The following TGFBR3 variants were observed in gnomAD, a reference collection of about 807,000 sequenced individuals.
The protein encoded by TGFBR3 is transforming growth factor beta receptor type 3.
TGFBR3 carries 46 observed loss-of-function variants against 87.9 expected under a neutral mutation model. That is an observed-to-expected ratio of 0.52 (90% CI 0.41 to 0.67). The LOEUF (loss-of-function observed/expected upper bound fraction) is 0.67. Among genes scored for constraint, TGFBR3 ranks in the 30% least tolerant of loss-of-function variants. The pLI, the probability that TGFBR3 is intolerant of heterozygous loss-of-function variation, is 0.00. For missense variants in TGFBR3, 866 were observed against 1,041.9 expected (o/e 0.83, Z 2.32); for synonymous variants, 381 against 391.6 (o/e 0.97, Z 0.32).
intron 2 of TGFBR3, among the ~76,000 whole-genome samples, chr1:91,821,252 C>A (rs1676439915): frequency 6.9e-6 from 1 of 145,748 alleles, no homozygotes; most frequent in African/African-American, 2.5e-5. Flanking sequence ...ATCACTTGAA[C>A]CTGGGAGACA....
chr1:91,815,639 C>T lies in TGFBR3; in HGVS notation c.62-18168G>A, dbSNP rs554190280. Among the ~76,000 whole-genome samples, 96 of 152,320 alleles carry T rather than the reference C, an allele frequency of 6.3e-4. 1 individual carries two copies. Among genetic ancestry groups the T allele is most frequent in the African/African-American group, 2.2e-3 (90 of 41,576 alleles). On this transcript the variant is annotated intron_variant, in intron 2 of 16. Coordinates refer to ENST00000212355, the MANE Select transcript of TGFBR3 (RefSeq NM_003243.5). Reference sequence around the variant, plus strand: ...TCTCTGCCATTAACAAGTTCCTTGACTTAGGGCCCCTCTCTTGGTTGCCTC... The same window carrying T: ...TCTCTGCCATTAACAAGTTCCTTGATTTAGGGCCCCTCTCTTGGTTGCCTC...
intron 2 of TGFBR3, among the ~76,000 whole-genome samples, chr1:91,849,239 G>C (rs1222486454): frequency 2.0e-5 from 3 of 152,120 alleles, no homozygotes. Context: ...TCATTCTTCT[G>C]CTCAAACTCT....
At chr1:91,722,654 T>C (rs943297239) in intron 7 of TGFBR3, among the ~76,000 whole-genome samples, 7 of 152,300 alleles carry the variant, frequency 4.6e-5, no homozygotes, top group African/African-American at 1.7e-4. Flanking sequence ...TCCTGAGAAA[T>C]GCATCATTAG....
chr1:91,759,465 G>A (rs1285327606), intron 3 of TGFBR3, among the ~76,000 whole-genome samples: 2 of 150,110 alleles, frequency 1.3e-5, no homozygotes, highest in Non-Finnish European at 2.9e-5. Context: ...AGCAGATCAA[G>A]GACTATTGCA....
chr1:91,871,641 AG>A (rs1678584953), intron 1 of TGFBR3, among the ~76,000 whole-genome samples: 1 of 152,166 alleles, frequency 6.6e-6, no homozygotes, highest in Non-Finnish European at 1.5e-5. Context: ...TTAAGCACAG[AG>A]GTAAGAGATA....
chr1:91,785,441 A>G (rs1331641535), intron 3 of TGFBR3, among the ~76,000 whole-genome samples: 2 of 152,252 alleles, frequency 1.3e-5, no homozygotes, highest in Non-Finnish European at 2.9e-5. Context: ...TTCTATAAAT[A>G]TACTAAAAAC....
At chr1:91,692,310 A>G (rs1193036079) in intron 16 of TGFBR3, among the ~76,000 whole-genome samples, 1 of 152,224 alleles carries the variant, frequency 6.6e-6, no homozygotes, top group Non-Finnish European at 1.5e-5. Flanking sequence ...GTATGGATTA[A>G]CATCCAAAAG....
chr1:91,808,809 T>C (rs1427343677), intron 2 of TGFBR3, among the ~76,000 whole-genome samples: 1 of 152,178 alleles, frequency 6.6e-6, no homozygotes, highest in Non-Finnish European at 1.5e-5. Context: ...TCCCTATTCT[T>C]CTCACAAGAA....
intron 16 of TGFBR3, among the ~76,000 whole-genome samples, chr1:91,684,440 T>C (rs1671021380): frequency 1.3e-5 from 2 of 152,176 alleles, no homozygotes; most frequent in South Asian, 2.1e-4. Flanking sequence ...ATAGCTGCTA[T>C]TGGAAAAACC....
At chr1:91,854,396 A>G (rs939828976) in intron 2 of TGFBR3, among the ~76,000 whole-genome samples, 1 of 151,860 alleles carries the variant, frequency 6.6e-6, no homozygotes, top group Non-Finnish European at 1.5e-5. Flanking sequence ...ACGCCCTGAA[A>G]CTATCTAGTG....
At chr1:91,721,916 G>C in intron 8 of TGFBR3, 39 bp downstream of exon 8, 2 of 1,582,004 alleles carry the variant, frequency 1.3e-6, no homozygotes, top group Non-Finnish European at 1.7e-6. Context: ...CTTCATTTGG[G>C]GGGTATTTTT....
chr1:91,742,269 T>A (rs1012902729), intron 4 of TGFBR3, among the ~76,000 whole-genome samples: 5 of 152,162 alleles, frequency 3.3e-5, no homozygotes, highest in Non-Finnish European at 7.3e-5. Context: ...CCTGCCACCC[T>A]CATTTGACAA....
chr1:91,900,007 A>G (rs1679656363), intron 1 of TGFBR3, among the ~76,000 whole-genome samples: 1 of 152,188 alleles, frequency 6.6e-6, no homozygotes, highest in South Asian at 2.1e-4. Context: ...TTTCTTGCAC[A>G]GTTGACTTGA....
chr1:91,698,628 G>A (rs1039781651), intron 14 of TGFBR3, among the ~76,000 whole-genome samples: 1 of 148,758 alleles, frequency 6.7e-6, no homozygotes, highest in East Asian at 2.0e-4. Flanking sequence ...TTAGCCTCCC[G>A]AGTAGCTGGA....
intron 2 of TGFBR3, among the ~76,000 whole-genome samples, chr1:91,856,616 A>G (rs901067357): frequency 6.6e-6 from 1 of 151,990 alleles, no homozygotes; most frequent in Non-Finnish European, 1.5e-5. Flanking sequence ...GCCTTTGACA[A>G]CCTTCACCCC....
intron 10 of TGFBR3, among the ~76,000 whole-genome samples, chr1:91,717,839 G>A (rs1672225946): frequency 6.8e-6 from 1 of 147,962 alleles, no homozygotes; most frequent in Non-Finnish European, 1.5e-5. Flanking sequence ...AACTTTAAGG[G>A]ATCATTACAT....
At chr1:91,786,531 A>C (rs1363995775) in intron 3 of TGFBR3, among the ~76,000 whole-genome samples, 4 of 152,162 alleles carry the variant, frequency 2.6e-5, no homozygotes, top group Non-Finnish European at 5.9e-5. Flanking sequence ...TGGATGGATC[A>C]CTTGAGGCCA....
intron 1 of TGFBR3, among the ~76,000 whole-genome samples, chr1:91,901,702 A>T (rs570094889): frequency 6.6e-6 from 1 of 151,844 alleles, no homozygotes; most frequent in South Asian, 2.1e-4. Flanking sequence ...ATAGCTTGAG[A>T]CCTGGGTTAA....
At chr1:91,896,687 A>G (rs886601204) in intron 2 of TGFBR3, among the ~76,000 whole-genome samples, 27 of 152,222 alleles carry the variant, frequency 1.8e-4, no homozygotes, top group African/African-American at 6.5e-4. Flanking sequence ...GAAATAATGT[A>G]TAATGCTTTA....
Sources: gnomAD v4.1 joint callset for allele counts (sites outside exome capture counted in the v4.1 genomes callset) on GRCh38, gnomAD v4.1.1 for gene constraint, MANE v1.5 for transcripts, NCBI Gene and HGNC (gene_info 2026-07-23, HGNC 2026-07-21) for gene names.